TNS1: variants seen among roughly 807,000 people sequenced by gnomAD.
TNS1 encodes tensin 1, also known as tensin-1.
In TNS1, 62 loss-of-function variants were observed where a neutral mutation model predicts 168.6. The ratio of observed to expected loss-of-function variants is 0.37; its 90% confidence interval spans 0.30 to 0.45. The LOEUF (loss-of-function observed/expected upper bound fraction) is 0.45. Among genes scored for constraint, TNS1 ranks in the 20% least tolerant of loss-of-function variants. The probability of loss-of-function intolerance (pLI) is 1.00; values close to 1 mark genes in which losing one functional copy is unlikely to be tolerated. For missense variants in TNS1, 2,240 were observed against 2,339.4 expected (o/e 0.96, Z 0.88); for synonymous variants, 934 against 933.2 (o/e 1.00, Z -0.02).
At chr2:217,910,142 G>A (rs1018174493) in intron 4 of TNS1, among the ~76,000 whole-genome samples, 2 of 152,076 alleles carry the variant, frequency 1.3e-5, no homozygotes, top group African/African-American at 4.8e-5. Flanking sequence ...GTCAATATTA[G>A]AAACCACAGG....
chr2:217,805,507 C>T (rs1938507857), intron 32 of TNS1, among the ~76,000 whole-genome samples: 2 of 30,712 alleles, frequency 6.5e-5, no homozygotes, highest in Non-Finnish European at 1.1e-4. Flanking sequence ...ACACACACCA[C>T]CACACACACC....
intron 4 of TNS1, among the ~76,000 whole-genome samples, chr2:217,909,571 C>CCACACACACACACA (rs3054350): frequency 6.7e-4 from 99 of 147,296 alleles, no homozygotes; most frequent in African/African-American, 2.1e-3. Flanking sequence ...GCCTGGGTGC[C>CCACACACACACACA]CACACACACA....
intron 3 of TNS1, among the ~76,000 whole-genome samples, chr2:217,927,071 C>A (rs1343458131): frequency 6.6e-6 from 1 of 152,242 alleles, no homozygotes; most frequent in Non-Finnish European, 1.5e-5. Flanking sequence ...CCCACTACCC[C>A]TGAAAGCCCC....
chr2:217,866,841 T>C (rs145198777), intron 18 of TNS1, among the ~76,000 whole-genome samples: 109 of 152,290 alleles, frequency 7.2e-4, no homozygotes, highest in African/African-American at 2.1e-3. Flanking sequence ...AGGCACAGCA[T>C]TGGGCAGAGC....
chr2:217,850,170 C>T (rs1011739282), intron 18 of TNS1: 63 of 985,368 alleles, frequency 6.4e-5, no homozygotes, highest in East Asian at 1.1e-4. Flanking sequence ...TCTGCAAAGA[C>T]GAGCATCCTG....
intron 3 of TNS1, among the ~76,000 whole-genome samples, chr2:217,938,758 T>C (rs1477942227): frequency 1.3e-5 from 2 of 152,204 alleles, no homozygotes; most frequent in East Asian, 3.9e-4. Context: ...ATAATGCATC[T>C]TGTTTACAGT....
chr2:217,946,969 T>TCA (rs372012573), intron 3 of TNS1, among the ~76,000 whole-genome samples: 2,228 of 118,748 alleles, frequency 0.019, 15 homozygotes, highest in Non-Finnish European at 0.026. Context: ...TCTCTCTCTC[T>TCA]CACACACACA....
intron 20 of TNS1, among the ~76,000 whole-genome samples, chr2:217,835,606 A>G (rs1482273903): frequency 6.6e-6 from 1 of 152,206 alleles, no homozygotes; most frequent in Non-Finnish European, 1.5e-5. Context: ...AACTACTGAA[A>G]TGTCTTAGAA....
chr2:217,933,368 T>A (rs1456866042), intron 3 of TNS1, among the ~76,000 whole-genome samples: 1 of 152,018 alleles, frequency 6.6e-6, no homozygotes, highest in Non-Finnish European at 1.5e-5. Flanking sequence ...CAGCCCTGCA[T>A]ACACACAGCT....
At chr2:217,990,084 C>T (rs1958319785) in intron 2 of TNS1, among the ~76,000 whole-genome samples, 1 of 148,204 alleles carries the variant, frequency 6.7e-6, no homozygotes, top group African/African-American at 2.5e-5. Context: ...ATCCACACAC[C>T]AGCCACGGAC....
At chr2:217,984,863 C>A (rs916033246) in intron 2 of TNS1, among the ~76,000 whole-genome samples, 3 of 151,234 alleles carry the variant, frequency 2.0e-5, no homozygotes, top group African/African-American at 7.3e-5. Flanking sequence ...TCAAGAAATT[C>A]TCCTGCCTCA....
chr2:217,807,871 G>A (rs571536660), intron 32 of TNS1, among the ~76,000 whole-genome samples: 25 of 152,318 alleles, frequency 1.6e-4, no homozygotes, highest in Admixed American at 3.3e-4. Context: ...TGGACCAGAC[G>A]CTGGGCCTCT....
intron 25 of TNS1, 91 bp downstream of exon 25, chr2:217,814,821 G>C: frequency 9.5e-7 from 1 of 1,052,380 alleles, no homozygotes; most frequent in Non-Finnish European, 1.4e-6. Flanking sequence ...CTACAAAGAG[G>C]ACTGAATTTG....
intron 3 of TNS1, among the ~76,000 whole-genome samples, chr2:217,943,558 C>T (rs973735781): frequency 2.0e-5 from 3 of 152,204 alleles, no homozygotes; most frequent in East Asian, 1.9e-4. Flanking sequence ...CCCCAGCAAA[C>T]GAAACTCCTT....
At chr2:217,917,511 A>G (rs375219154) in intron 4 of TNS1, among the ~76,000 whole-genome samples, 1 of 152,166 alleles carries the variant, frequency 6.6e-6, no homozygotes, top group Admixed American at 6.6e-5. Context: ...TGCTGGGGAA[A>G]GGGAAATGCT....
Position 217,836,189 on chromosome 2 carries a change from C to T in TNS1, c.3030G>A (p.Gln1010=), listed in dbSNP as rs1168413079. 2.5e-6 allele frequency: 4 copies of T among 1,612,030 alleles called. No homozygotes were observed. Among genetic ancestry groups the T allele is most frequent in the Non-Finnish European group, 3.4e-6 (4 of 1,179,084 alleles). The change falls in exon 20 of 33, where the codon CAG becomes CAA. Residue 1010 remains glutamine, a synonymous_variant. Coordinates refer to ENST00000682258, the MANE Select transcript of TNS1 (RefSeq NM_001387777.1). ...RVAGVQAREK[Q]PAEPPAPLRR... is the part of the protein sequence containing the mutation. ...GCAGAGGGGCTGGGGGCTCTGCAGG[C>T]TGCTTCTCCCGAGCCTGTACCCCTG... is the stretch of plus-strand genomic sequence containing the variant.
intron 2 of TNS1, among the ~76,000 whole-genome samples, chr2:217,984,000 G>T (rs1958125434): frequency 1.3e-5 from 2 of 152,140 alleles, no homozygotes; most frequent in African/African-American, 4.8e-5. Flanking sequence ...CCATAATTTA[G>T]GTGGGCCTCA....
At chr2:217,962,572 T>C (rs951295637) in intron 3 of TNS1, among the ~76,000 whole-genome samples, 9 of 152,168 alleles carry the variant, frequency 5.9e-5, no homozygotes, top group African/African-American at 1.9e-4. Context: ...AAAGTGAATG[T>C]CAGGGTGTCC....
chr2:217,911,502 T>G (rs1450685818), intron 4 of TNS1, among the ~76,000 whole-genome samples: 1 of 152,268 alleles, frequency 6.6e-6, no homozygotes, highest in Non-Finnish European at 1.5e-5. Context: ...GCCCTCATCC[T>G]GGCCCTGGCC....
Sources: gnomAD v4.1 joint callset for allele counts (sites outside exome capture counted in the v4.1 genomes callset) on GRCh38, gnomAD v4.1.1 for gene constraint, MANE v1.5 for transcripts, NCBI Gene and HGNC (gene_info 2026-07-23, HGNC 2026-07-21) for gene names.